Variants in SLC5A5 observed in about 807,000 individuals in gnomAD.
SLC5A5 encodes sodium/iodide cotransporter.
SLC5A5 carries 56 observed loss-of-function variants against 68.6 expected under a neutral mutation model. The ratio of observed to expected loss-of-function variants is 0.82; its 90% CI spans 0.66 to 1.02. SLC5A5 has a LOEUF of 1.02. SLC5A5 is among the 50% of genes least tolerant of loss of function. SLC5A5 has a pLI of 0.00. For missense variants in SLC5A5, 807 were observed against 859.8 expected (o/e 0.94, Z 0.77); for synonymous variants, 398 against 373.0 (o/e 1.07, Z -0.77).
rs2094311819 is a variant in SLC5A5, at chr19:17,878,048, T to C, written c.924T>C (p.Thr308=). The change falls in exon 7 of 15, where the codon ACT becomes ACC. Residue 308 remains threonine (T), a synonymous_variant. Transcript: ENST00000222248. ...GCATCGTCATGTTTGTGTTCTACAC[T>C]GACTGCGACCCTCTCCTCCTGGGGC... ...CCGIVMFVFY[T]DCDPLLLGRI... 2 of 1,613,120 alleles carry C rather than the reference T, an allele frequency of 1.2e-6. No homozygotes were observed. The highest frequency in any genetic ancestry group is 1.7e-6 in the Non-Finnish European group (2 of 1,180,034).
chr19:17,888,565 C>A, intron 13 of SLC5A5, 110 bp downstream of exon 13: 1 of 897,700 alleles, frequency 1.1e-6, no homozygotes. Flanking sequence ...CAAACTGCCA[C>A]TGTGTGCTGT....
intron 12 of SLC5A5, among the ~76,000 whole-genome samples, chr19:17,886,651 G>A (rs1010545548): frequency 1.3e-5 from 2 of 151,990 alleles, no homozygotes; most frequent in Non-Finnish European, 2.9e-5. Context: ...TTTCCACAGC[G>A]GCCACATCAT....
At chr19:17,875,369 CA>C (rs1394267649) in intron 4 of SLC5A5, among the ~76,000 whole-genome samples, 1 of 149,402 alleles carries the variant, frequency 6.7e-6, no homozygotes, top group Non-Finnish European at 1.5e-5. Context: ...GACTCCATCT[CA>C]AAAAAATATA....
In SLC5A5 at chr19:17,880,895, G is replaced by A. The variant is rs1218889933; in HGVS notation, c.1000G>A (p.Glu334Lys). Reference sequence around the variant, plus strand: ...GCCTCTGCTGGTGCTGGACATCTTCGAAGATCTGCCTGGAGTCCCCGGGCT... The same window carrying A: ...GCCTCTGCTGGTGCTGGACATCTTCAAAGATCTGCCTGGAGTCCCCGGGCT... ...YMPLLVLDIF[E>K]DLPGVPGLFL... Residue 334 changes from glutamate to lysine, a missense_variant, in exon 8 of 15, where the codon GAA becomes AAA. Coordinates refer to ENST00000222248, the MANE Select transcript of SLC5A5 (RefSeq NM_000453.3). The A allele has an allele frequency of 3.7e-6, 6 of 1,613,860 alleles. No homozygotes were observed. The highest frequency in any genetic ancestry group is 5.1e-6 in the Non-Finnish European group (6 of 1,180,018).
In SLC5A5 at chr19:17,890,949, C is replaced by T; in HGVS notation, c.1715C>T (p.Ala572Val). 6.2e-7 allele frequency: 1 copy of T among 1,614,102 alleles called. No homozygotes were observed. Among genetic ancestry groups the T allele is most frequent in the Non-Finnish European group, 8.5e-7 (1 of 1,179,972 alleles). Residue 572 changes from alanine (A) to valine (V), a missense_variant, in exon 14 of 15, where the codon GCA becomes GTA. Ala to Val is a moderately conservative substitution (Grantham distance 64). Transcript: ENST00000222248. The stretch of plus-strand genomic sequence containing the variant: ...TGGTGGGACCTCGCACGGCAGACAG[C>T]ATCAGTGGCCCCCAAGGAAGAAGTG... ...LLWWDLARQT[A>V]SVAPKEEVAI...
chr19:17,893,713 G>C lies in SLC5A5; in HGVS notation c.1768G>C (p.Gly590Arg). The C allele has an allele frequency of 1.2e-6, 2 of 1,613,666 alleles. No homozygotes were observed. Among genetic ancestry groups the C allele is most frequent in the Non-Finnish European group, 8.5e-7 (1 of 1,179,874 alleles). The change falls in exon 15 of 15, where the codon GGT becomes CGT. Residue 590 changes from glycine (G) to arginine (R), a missense_variant and splice_region_variant. Transcript: ENST00000222248. ...GTCTCTTTTTCCCACTTTTCCCCAG[G>C]GTCCTGAAGAACTCCCCACTGGAAA... ...VAILDDNLVK[G>R]PEELPTGNKK...
intron 13 of SLC5A5, among the ~76,000 whole-genome samples, 186 bp downstream of exon 13, chr19:17,888,641 CATCATT>C (rs1404445429): frequency 1.8e-4 from 27 of 146,514 alleles, no homozygotes; most frequent in African/African-American, 7.3e-4. Context: ...TCATCATCAT[CATCATT>C]TTTGAGATAG....
At chr19:17,882,656 G>A (rs2094323452) in intron 10 of SLC5A5, among the ~76,000 whole-genome samples, 1 of 151,114 alleles carries the variant, frequency 6.6e-6, no homozygotes, top group African/African-American at 2.4e-5. Flanking sequence ...GGGATTACAG[G>A]TGCATGCCAC....
chr19:17,877,589 T>G lies in SLC5A5; in HGVS notation c.699-134T>G, dbSNP rs112798105. ...TCCCAAAGTGCTGGGATTACAGGCA[T>G]GAGCCACTGCGCCTGGCCAACAAAA... On this transcript the variant is annotated intron_variant, in intron 5 of 14. Coordinates refer to ENST00000222248, the MANE Select transcript of SLC5A5 (RefSeq NM_000453.3). 4,036 of 1,119,336 alleles carry G rather than the reference T, an allele frequency of 3.6e-3. 88 individuals are homozygous for G. In the African/African-American group the frequency reaches 0.053, roughly 15 times the overall value. 69.3% of individuals were successfully genotyped at this position (1,119,336 alleles called of 1,614,324 possible). A position where few individuals can be genotyped will look rare whatever the true frequency, so the allele number is the denominator to read the frequency against.
At chr19:17,884,168 G>A (rs934938957) in intron 12 of SLC5A5, 122 bp downstream of exon 12, 2 of 923,904 alleles carry the variant, frequency 2.2e-6, no homozygotes, top group Non-Finnish European at 3.4e-6. Flanking sequence ...CTGGGGGAGG[G>A]AACGGTAGGT....
intron 12 of SLC5A5, 133 bp downstream of exon 12, chr19:17,884,179 G>A: frequency 2.4e-6 from 2 of 833,880 alleles, no homozygotes; most frequent in East Asian, 2.7e-5. Context: ...AACGGTAGGT[G>A]CAAAGGCCCT....
chr19:17,880,213 CTTTCTTTTT>C (rs1366604282), intron 7 of SLC5A5, among the ~76,000 whole-genome samples: 3 of 138,650 alleles, frequency 2.2e-5, no homozygotes, highest in African/African-American at 8.1e-5. Context: ...TCTTTCTTTT[CTTTCTTTTT>C]TTTTTTTTTT....
chr19:17,884,628 C>A (rs2094329234), intron 12 of SLC5A5, among the ~76,000 whole-genome samples: 1 of 151,274 alleles, frequency 6.6e-6, no homozygotes, highest in Admixed American at 6.6e-5. Context: ...CAAAACTTAG[C>A]CAAGCGTGGT....
rs565066868 is a variant in SLC5A5 at position 17,888,453 on chromosome 19, C to G, written c.1649C>G (p.Thr550Arg). Reference sequence around the variant, plus strand: ...TGCGGAGCCCTCATCAGCTGCCTGACAGGTAGGTAAACAGAGCATGTGGCC... The same window carrying G: ...TGCGGAGCCCTCATCAGCTGCCTGAGAGGTAGGTAAACAGAGCATGTGGCC... Reference protein sequence around the residue: ...VLCGALISCLTGPTKRSTLAP... With the variant: ...VLCGALISCLRGPTKRSTLAP... The change falls in exon 13 of 15, where the codon ACA becomes AGA. Residue 550 changes from threonine to arginine, a missense_variant and splice_region_variant. Coordinates refer to ENST00000222248, the MANE Select transcript of SLC5A5 (RefSeq NM_000453.3). 2.7e-5 allele frequency: 43 copies of G among 1,613,678 alleles called. No individual in the cohort carries two copies. In the South Asian group the frequency reaches 4.5e-4, roughly 17 times the overall value.
intron 13 of SLC5A5, among the ~76,000 whole-genome samples, chr19:17,889,829 G>T (rs982979539): frequency 6.6e-6 from 1 of 152,162 alleles, no homozygotes; most frequent in Non-Finnish European, 1.5e-5. Flanking sequence ...TTCTAAAGCT[G>T]CCGGTGACTC....
intron 14 of SLC5A5, among the ~76,000 whole-genome samples, chr19:17,891,323 A>G (rs1382441484): frequency 6.6e-6 from 1 of 152,136 alleles, no homozygotes; most frequent in East Asian, 1.9e-4. Context: ...CTCCTGCCTC[A>G]GCCTCCTGAG....
intron 12 of SLC5A5, among the ~76,000 whole-genome samples, chr19:17,887,760 G>T (rs2029978442): frequency 6.6e-6 from 1 of 151,642 alleles, no homozygotes; most frequent in Non-Finnish European, 1.5e-5. Context: ...ATCAGGCCTG[G>T]CTAATTTTTT....
At chr19:17,890,164 G>A (rs1204800359) in intron 13 of SLC5A5, among the ~76,000 whole-genome samples, 1 of 151,978 alleles carries the variant, frequency 6.6e-6, no homozygotes, top group East Asian at 1.9e-4. Flanking sequence ...TCTGACTCCC[G>A]GGTTCAAGCA....
At chr19:17,881,501 A>AGG (rs1440785916) in intron 8 of SLC5A5, among the ~76,000 whole-genome samples, 1 of 152,186 alleles carries the variant, frequency 6.6e-6, no homozygotes, top group East Asian at 1.9e-4. Context: ...TCCTGACCTC[A>AGG]GGTGATCTGC....
Sources: gnomAD v4.1 joint callset for allele counts (sites outside exome capture counted in the v4.1 genomes callset) on GRCh38, gnomAD v4.1.1 for gene constraint, MANE v1.5 for transcripts, NCBI Gene and HGNC (gene_info 2026-07-23, HGNC 2026-07-21) for gene names.